PALM2AKAP2: variants seen among roughly 807,000 people sequenced by gnomAD.
PALM2AKAP2 encodes the protein PALM2 and AKAP2 fusion.
PALM2AKAP2 carries 37 observed loss-of-function variants against 71.5 expected under a neutral mutation model. The observed-to-expected ratio is 0.52, with a 90% CI of 0.40 to 0.68. The LOEUF is 0.68. Ranked by LOEUF, PALM2AKAP2 falls within the 30% of genes least tolerant of loss-of-function variation. PALM2AKAP2 has a pLI of 0.00. For synonymous variants in PALM2AKAP2, 468 were observed against 478.8 expected, an observed-to-expected ratio of 0.98 and a Z score of 0.29; for missense variants, 1,224 against 1,191.8, an observed-to-expected ratio of 1.03 and a Z score of -0.40.
At position 110,016,248 on chromosome 9, in the gene PALM2AKAP2, G is replaced by A. The variant is rs141598371; in HGVS notation, c.582+209G>A. Among the ~76,000 whole-genome samples, 8 of 152,194 alleles carry A rather than the reference G, an allele frequency of 5.3e-5. No homozygotes were observed. In the East Asian group the frequency reaches 1.3e-3, roughly 26 times the overall value. On this transcript the variant is annotated intron_variant, in intron 7 of 9. Transcript: ENST00000302798. ...CAGCCGTACCACCCTGAATATGCCCGACCTCGTCTGAAACTTGGGATCTGG... is the reference window on the plus strand; with the variant it reads ...CAGCCGTACCACCCTGAATATGCCCAACCTCGTCTGAAACTTGGGATCTGG...
At chr9:110,154,159 T>A (rs1836391590) in intron 2 of PALM2AKAP2, among the ~76,000 whole-genome samples, 1 of 152,262 alleles carries the variant, frequency 6.6e-6, no homozygotes, top group Admixed American at 6.5e-5. Flanking sequence ...CATTAGATGC[T>A]TTCTGTTCTG....
chr9:109,981,357 A>G (rs1832266114), intron 6 of PALM2AKAP2, among the ~76,000 whole-genome samples: 1 of 152,226 alleles, frequency 6.6e-6, no homozygotes, highest in African/African-American at 2.4e-5. Flanking sequence ...GGATGTTATT[A>G]GCACACCTAA....
At chr9:110,051,794 T>G (rs1168328548) in intron 1 of PALM2AKAP2, among the ~76,000 whole-genome samples, 1 of 152,260 alleles carries the variant, frequency 6.6e-6, no homozygotes, top group Non-Finnish European at 1.5e-5. Flanking sequence ...TAGTACTCAC[T>G]GCTTAGATTG....
At chr9:110,070,047 G>A (rs958750386) in intron 1 of PALM2AKAP2, among the ~76,000 whole-genome samples, 10 of 152,138 alleles carry the variant, frequency 6.6e-5, no homozygotes, top group African/African-American at 2.2e-4. Flanking sequence ...CATCCCCACT[G>A]GAGGGGCATC....
intron 1 of PALM2AKAP2, among the ~76,000 whole-genome samples, chr9:109,733,793 T>C (rs1282718321): frequency 1.3e-5 from 2 of 152,220 alleles, no homozygotes; most frequent in African/African-American, 4.8e-5. Flanking sequence ...CTACCACGAA[T>C]AGTGATTGTG....
At chr9:110,111,983 G>A (rs551809346) in intron 1 of PALM2AKAP2, among the ~76,000 whole-genome samples, 7 of 152,066 alleles carry the variant, frequency 4.6e-5, no homozygotes, top group Non-Finnish European at 1.0e-4. Flanking sequence ...GGCCAGAACG[G>A]AATGGCAGCT....
At chr9:110,048,485 T>C (rs1481827960), upstream of PALM2AKAP2, 2 of 545,406 alleles carry the variant, frequency 3.7e-6, no homozygotes, top group African/African-American at 2.0e-5. Context: ...CTCCAGTCTC[T>C]GCATTCATTC....
At chr9:109,834,822 C>G (rs1828411790) in intron 1 of PALM2AKAP2, among the ~76,000 whole-genome samples, 2 of 152,206 alleles carry the variant, frequency 1.3e-5, no homozygotes, top group African/African-American at 4.8e-5. Context: ...GAGAATGGAC[C>G]TGGGACTTAA....
intron 1 of PALM2AKAP2, among the ~76,000 whole-genome samples, chr9:109,714,513 G>A (rs2118616716): frequency 6.6e-6 from 1 of 152,232 alleles, no homozygotes; most frequent in East Asian, 1.9e-4. Flanking sequence ...TTCTTTGCTT[G>A]AGAATTTGCA....
At chr9:109,884,444 G>C (rs1829921672) in intron 3 of PALM2AKAP2, among the ~76,000 whole-genome samples, 1 of 152,168 alleles carries the variant, frequency 6.6e-6, no homozygotes, top group Non-Finnish European at 1.5e-5. Context: ...CCTGGCAACA[G>C]AGTGAGACTA....
intron 1 of PALM2AKAP2, among the ~76,000 whole-genome samples, chr9:109,747,625 A>AT (rs1828822097): frequency 6.6e-6 from 1 of 152,188 alleles, no homozygotes; most frequent in African/African-American, 2.4e-5. Flanking sequence ...ATATTGAATC[A>AT]TGAAGTAAAG....
chr9:110,048,781 C>T, exon 1 of PALM2AKAP2: 3 of 1,534,522 alleles, frequency 2.0e-6, no homozygotes, highest in Non-Finnish European at 2.6e-6. Flanking sequence ...ACCCCCGGAG[C>T]GGGAGGCAGC....
upstream of PALM2AKAP2, among the ~76,000 whole-genome samples, chr9:109,777,997 C>T (rs980118076): frequency 6.6e-6 from 1 of 152,180 alleles, no homozygotes; most frequent in Admixed American, 6.5e-5. Context: ...GTGCCCAGGC[C>T]CTTTTCCTTC....
intron 3 of PALM2AKAP2, among the ~76,000 whole-genome samples, chr9:109,892,771 C>T (rs750830510): frequency 1.3e-5 from 2 of 151,900 alleles, no homozygotes; most frequent in Non-Finnish European, 2.9e-5. Flanking sequence ...TCAGTTTCTT[C>T]TTCTATAAAA....
At chr9:109,888,762 C>A (rs889290957) in intron 3 of PALM2AKAP2, among the ~76,000 whole-genome samples, 2 of 147,372 alleles carry the variant, frequency 1.4e-5, no homozygotes, top group African/African-American at 2.5e-5. Flanking sequence ...GTTGTTTCTT[C>A]CATCCCCCTA....
chr9:109,823,472 G>T (rs1828064261), intron 1 of PALM2AKAP2, among the ~76,000 whole-genome samples: 2 of 152,176 alleles, frequency 1.3e-5, no homozygotes, highest in African/African-American at 2.4e-5. Context: ...TGTATAAACT[G>T]GGAGTCACAG....
intron 3 of PALM2AKAP2, among the ~76,000 whole-genome samples, chr9:110,161,081 C>T (rs1421016095): frequency 6.6e-6 from 1 of 152,172 alleles, no homozygotes; most frequent in Non-Finnish European, 1.5e-5. Flanking sequence ...CTCAGTGATG[C>T]CTTGTGCTTC....
Position 109,879,267 on chromosome 9 carries a change from A to G in PALM2AKAP2, c.127-1284A>G, listed in dbSNP as rs7042495. Among the ~76,000 whole-genome samples the G allele has an allele frequency of 3.8e-3, 578 of 152,328 alleles. 6 individuals carry two copies. The highest frequency in any genetic ancestry group is 0.013 in the African/African-American group (557 of 41,580). The stretch of plus-strand genomic sequence containing the variant: ...TGGACAGAGGTGATGCCAGTGAGCC[A>G]GGGAGCCAAAGAGCCAGGTCTTTAT... On this transcript the variant is annotated intron_variant, in intron 2 of 9. Coordinates refer to the PALM2AKAP2 transcript ENST00000302798.
At chr9:110,006,789 C>T (rs1832793223) in intron 6 of PALM2AKAP2, among the ~76,000 whole-genome samples, 1 of 152,162 alleles carries the variant, frequency 6.6e-6, no homozygotes, top group African/African-American at 2.4e-5. Flanking sequence ...ACTGACTCTA[C>T]TAAGTGCTTA....
Sources: gnomAD v4.1 joint callset for allele counts (sites outside exome capture counted in the v4.1 genomes callset) on GRCh38, gnomAD v4.1.1 for gene constraint, MANE v1.5 for transcripts, NCBI Gene and HGNC (gene_info 2026-07-23, HGNC 2026-07-21) for gene names.